ANKRD30BL: variants seen among roughly 807,000 people sequenced by gnomAD.
ANKRD30BL encodes the protein putative ankyrin repeat domain-containing protein 30B-like.
ANKRD30BL carries 20 observed loss-of-function variants against 18.4 expected under a neutral mutation model. The observed-to-expected ratio is 1.09, with a 90% CI of 0.77 to 1.58. ANKRD30BL has a LOEUF of 1.58. Among genes scored for constraint, ANKRD30BL ranks in the 40% most tolerant of loss-of-function variants. The probability of loss-of-function intolerance (pLI) is 0.00; values close to 1 mark genes in which losing one functional copy is unlikely to be tolerated. For missense variants in ANKRD30BL, 224 were observed against 268.6 expected (o/e 0.83, Z 1.16); for synonymous variants, 72 against 100.9 (o/e 0.71, Z 1.72).
intron 1 of ANKRD30BL, among the ~76,000 whole-genome samples, chr2:132,248,765 T>C (rs1680571212): frequency 7.0e-6 from 1 of 143,086 alleles, no homozygotes. Flanking sequence ...GAAACATTCT[T>C]TATAGTTTTT....
chr2:132,204,588 C>T (rs906166166), intron 1 of ANKRD30BL, among the ~76,000 whole-genome samples: 1 of 151,842 alleles, frequency 6.6e-6, no homozygotes, highest in Non-Finnish European at 1.5e-5. Flanking sequence ...CAAGATTATT[C>T]CAGCAGTACA....
intron 1 of ANKRD30BL, among the ~76,000 whole-genome samples, chr2:132,245,268 A>G (rs995543754): frequency 2.0e-5 from 3 of 152,380 alleles, no homozygotes; most frequent in Middle Eastern, 3.4e-3. Flanking sequence ...AAACGGGAAT[A>G]TCTTCACATA....
intron 1 of ANKRD30BL, among the ~76,000 whole-genome samples, chr2:132,209,762 T>C (rs1370720832): frequency 2.0e-5 from 3 of 152,086 alleles, no homozygotes; most frequent in Non-Finnish European, 4.4e-5. Flanking sequence ...GTTGAAGATT[T>C]CTTTTGATTG....
At chr2:132,148,813 A>C (rs985372103) in intron 5 of ANKRD30BL, among the ~76,000 whole-genome samples, 1 of 152,190 alleles carries the variant, frequency 6.6e-6, no homozygotes, top group African/African-American at 2.4e-5. Flanking sequence ...TAAAGTAGTA[A>C]ATAATAAAAA....
chr2:132,160,274 GTATTTT>G (rs892928148), intron 1 of ANKRD30BL, among the ~76,000 whole-genome samples: 1 of 151,410 alleles, frequency 6.6e-6, no homozygotes, highest in African/African-American at 2.4e-5. Flanking sequence ...GCTAATTTTT[GTATTTT>G]TGTAGATTTG....
At chr2:132,217,576 T>C (rs1231256805) in intron 1 of ANKRD30BL, among the ~76,000 whole-genome samples, 1 of 152,194 alleles carries the variant, frequency 6.6e-6, no homozygotes, top group East Asian at 1.9e-4. Flanking sequence ...TCGGACCGCT[T>C]TGAGGCATTC....
At chr2:132,223,366 A>T (rs1679749388) in intron 1 of ANKRD30BL, among the ~76,000 whole-genome samples, 1 of 152,022 alleles carries the variant, frequency 6.6e-6, no homozygotes, top group Admixed American at 6.6e-5. Flanking sequence ...TTCTTTTGAG[A>T]GAGCAGGTTT....
intron 1 of ANKRD30BL, among the ~76,000 whole-genome samples, chr2:132,221,798 C>T (rs1403597958): frequency 1.4e-4 from 16 of 117,178 alleles, no homozygotes; most frequent in South Asian, 8.3e-4. Flanking sequence ...CCCGGCCAGC[C>T]GCCCCGTCCG....
intron 1 of ANKRD30BL, among the ~76,000 whole-genome samples, chr2:132,226,724 A>G (rs1679856908): frequency 6.6e-6 from 1 of 151,892 alleles, no homozygotes; most frequent in Admixed American, 6.6e-5. Context: ...AAGAATCCTG[A>G]GAAACTTCTT....
At chr2:132,162,284 A>G (rs1348982355), upstream of ANKRD30BL, among the ~76,000 whole-genome samples, 2 of 152,172 alleles carry the variant, frequency 1.3e-5, no homozygotes, top group Non-Finnish European at 2.9e-5. Flanking sequence ...TTCTGGCCCA[A>G]GTATCCGCGC....
intron 1 of ANKRD30BL, among the ~76,000 whole-genome samples, chr2:132,231,465 C>G (rs1331874947): frequency 6.6e-6 from 1 of 152,204 alleles, no homozygotes; most frequent in African/African-American, 2.4e-5. Flanking sequence ...ACAGTGGGCG[C>G]AGGTCAGTGG....
At chr2:132,236,435 A>G (rs1680153538) in intron 1 of ANKRD30BL, among the ~76,000 whole-genome samples, 2 of 152,146 alleles carry the variant, frequency 1.3e-5, no homozygotes, top group Non-Finnish European at 1.5e-5. Context: ...CAAGAAAAAA[A>G]CAAACAACCC....
At chr2:132,250,936 C>T (rs2104808597) in intron 1 of ANKRD30BL, among the ~76,000 whole-genome samples, 1 of 152,170 alleles carries the variant, frequency 6.6e-6, no homozygotes. Context: ...AAGTTAGTAA[C>T]AAATAAACAC....
rs1688065568 is a variant in ANKRD30BL, at chr2:132,161,642, T to C, written c.64A>G (p.Ser22Gly). Residue 22 changes from serine (S) to glycine (G), a missense_variant, in exon 1 of 6, where the codon AGT becomes GGT. Transcript: ENST00000409867. ...QTGPERPSPF[S>G]QLVYTNNDSY... ...TCGTTGTTGGTGTAGACCAGCTGAC[T>C]GAAGGGGCTCGGGCGCTCTGGGCCC... 1 of 1,451,440 alleles carries C rather than the reference T, an allele frequency of 6.9e-7. No individual in the cohort carries two copies. The highest frequency in any genetic ancestry group is 9.4e-7 in the Non-Finnish European group (1 of 1,058,948). 89.9% of individuals were successfully genotyped at this position (1,451,440 alleles called of 1,614,324 possible). A position where few individuals can be genotyped will look rare whatever the true frequency, so the allele number is the denominator to read the frequency against.
At chr2:132,153,375 C>G (rs1687814839) in intron 4 of ANKRD30BL, 1 of 366,554 alleles carries the variant, frequency 2.7e-6, no homozygotes, top group Non-Finnish European at 5.6e-6. Context: ...TACTTCAAAT[C>G]AAGTAGACAA....
intron 1 of ANKRD30BL, among the ~76,000 whole-genome samples, chr2:132,169,983 G>A (rs1299240999): frequency 1.3e-5 from 2 of 151,900 alleles, no homozygotes; most frequent in African/African-American, 2.4e-5. Flanking sequence ...TGCCTCATTG[G>A]TAGATAATTT....
chr2:132,192,821 G>T (rs1678888009), intron 1 of ANKRD30BL, among the ~76,000 whole-genome samples: 1 of 152,186 alleles, frequency 6.6e-6, no homozygotes, highest in South Asian at 2.1e-4. Context: ...AAGACAGAAG[G>T]AAATTAAAAT....
chr2:132,216,612 T>C (rs1357237910), intron 1 of ANKRD30BL, among the ~76,000 whole-genome samples: 6 of 151,924 alleles, frequency 3.9e-5, no homozygotes, highest in Non-Finnish European at 8.8e-5. Context: ...TTCTTTTGAT[T>C]GAGCACCTTT....
chr2:132,164,616 C>G (rs915033323), upstream of ANKRD30BL, among the ~76,000 whole-genome samples: 16 of 151,980 alleles, frequency 1.1e-4, no homozygotes, highest in Non-Finnish European at 1.5e-4. Flanking sequence ...ATGCTTATGT[C>G]AGCACGTTTT....
Sources: gnomAD v4.1 joint callset for allele counts (sites outside exome capture counted in the v4.1 genomes callset) on GRCh38, gnomAD v4.1.1 for gene constraint, MANE v1.5 for transcripts, NCBI Gene and HGNC (gene_info 2026-07-23, HGNC 2026-07-21) for gene names.